Variants in PTK2 observed in about 807,000 individuals in gnomAD.
The protein encoded by PTK2 is protein tyrosine kinase 2, also known as focal adhesion kinase 1.
A neutral mutation model predicts 150.1 loss-of-function variants in PTK2; 45 were observed. The observed-to-expected ratio is 0.30, with a 90% CI of 0.24 to 0.38. PTK2 has a LOEUF of 0.38. Ranked by LOEUF, PTK2 falls within the 10% of genes least tolerant of loss-of-function variation. PTK2 has a pLI of 1.00. For synonymous variants in PTK2, 432 were observed against 449.2 expected, an observed-to-expected ratio of 0.96 and a Z score of 0.48; for missense variants, 919 against 1,307.3, an observed-to-expected ratio of 0.70 and a Z score of 4.58.
At chr8:140,951,205 T>C (rs1394836357) in intron 1 of PTK2, among the ~76,000 whole-genome samples, 1 of 152,176 alleles carries the variant, frequency 6.6e-6, no homozygotes, top group East Asian at 1.9e-4. Context: ...TTTCCTTTGC[T>C]TGCCTAGAGT....
At chr8:140,729,782 G>A (rs1034347515) in intron 22 of PTK2, among the ~76,000 whole-genome samples, 10 of 152,196 alleles carry the variant, frequency 6.6e-5, no homozygotes, top group Non-Finnish European at 1.0e-4. Context: ...GCAGTCAGTA[G>A]AGCATGACAG....
At position 140,735,211 on chromosome 8, in the gene PTK2, C is replaced by T. The variant is rs774671639; in HGVS notation, c.2030+40G>A. ...CTGCAAGGAGGAGAAGCAGCATAAT[C>T]TGCCCCCACCCCCAGGCCCTCTCTC... On this transcript the variant is annotated intron_variant, in intron 22 of 31. Transcript: ENST00000522684. The T allele has an allele frequency of 1.9e-6, 3 of 1,568,382 alleles. No individual in the cohort carries two copies. In the Admixed American group the frequency reaches 5.1e-5, roughly 27 times the overall value.
At chr8:140,846,365 A>C in intron 6 of PTK2, 43 bp from the exon 7 acceptor site, 1 of 1,576,624 alleles carries the variant, frequency 6.3e-7, no homozygotes, top group Non-Finnish European at 8.7e-7. Context: ...TATATAAGGA[A>C]TGTTTGTGTT....
At chr8:140,998,219 G>C (rs540640681) in intron 1 of PTK2, among the ~76,000 whole-genome samples, 1 of 152,118 alleles carries the variant, frequency 6.6e-6, no homozygotes, top group Admixed American at 6.5e-5. Flanking sequence ...ATCTACATCA[G>C]TTTAGAATGC....
At chr8:140,728,941 C>G (rs777157470) in intron 22 of PTK2, among the ~76,000 whole-genome samples, 1 of 152,134 alleles carries the variant, frequency 6.6e-6, no homozygotes, top group African/African-American at 2.4e-5. Context: ...AATTGATACA[C>G]GCACACATGT....
At position 140,800,387 on chromosome 8, in the gene PTK2, G is replaced by A. The variant is rs1355032769; in HGVS notation, c.1093+72C>T. On this transcript the variant is annotated intron_variant, in intron 12 of 31. Coordinates refer to ENST00000522684, the Ensembl canonical transcript of PTK2. Reference sequence around the variant, plus strand: ...TACAGTTACCTAAAAGAGGATAACAGGCTGTTAGGGGCAAGCACAGCTAAA... The same window carrying A: ...TACAGTTACCTAAAAGAGGATAACAAGCTGTTAGGGGCAAGCACAGCTAAA... 4.3e-6 allele frequency: 5 copies of A among 1,169,486 alleles called. No homozygotes were observed. The African/African-American group carries it at 7.6e-5, about 18-fold the overall frequency. The allele number at this position is 1,169,486 out of a possible 1,614,324, so 72.4% of individuals were successfully genotyped here.
intron 5 of PTK2, among the ~76,000 whole-genome samples, chr8:140,863,679 T>C (rs2100137594): frequency 2.0e-5 from 3 of 152,208 alleles, no homozygotes; most frequent in Admixed American, 2.0e-4. Flanking sequence ...GTCACGTCAT[T>C]TGTGCTTACT....
At position 140,886,135 on chromosome 8, in the gene PTK2, G is replaced by A. The variant is rs551607622; in HGVS notation, c.195+4408C>T. On this transcript the variant is annotated intron_variant, in intron 3 of 31. Coordinates refer to ENST00000522684, the Ensembl canonical transcript of PTK2. The stretch of plus-strand genomic sequence containing the variant: ...GTGGACAGGATTAGCTAATGTATTC[G>A]ATATGGCTTGAGAGCAAAAGAGGAA... Among the ~76,000 whole-genome samples the A allele has an allele frequency of 4.8e-4, 73 of 152,308 alleles. 1 individual carries two copies. Among genetic ancestry groups the A allele is most frequent in the African/African-American group, 1.5e-3 (64 of 41,566 alleles).
intron 1 of PTK2, among the ~76,000 whole-genome samples, chr8:140,982,365 G>A (rs1343085195): frequency 2.0e-5 from 3 of 152,226 alleles, no homozygotes; most frequent in Admixed American, 1.3e-4. Context: ...TTGGGAGGCT[G>A]AGGCGGGCAG....
intron 14 of PTK2, among the ~76,000 whole-genome samples, chr8:140,773,441 A>G (rs1301867871): frequency 6.6e-6 from 1 of 152,194 alleles, no homozygotes; most frequent in Non-Finnish European, 1.5e-5. Context: ...AGCAGAAGGA[A>G]TATTTTCAAG....
intron 22 of PTK2, among the ~76,000 whole-genome samples, chr8:140,726,381 T>A (rs979994482): frequency 3.3e-5 from 5 of 152,172 alleles, no homozygotes; most frequent in African/African-American, 1.2e-4. Flanking sequence ...CTAAATTTTA[T>A]AAAAGATATG....
At chr8:140,953,495 T>C (rs1186123030) in intron 1 of PTK2, among the ~76,000 whole-genome samples, 1 of 152,146 alleles carries the variant, frequency 6.6e-6, no homozygotes. Context: ...ATACACAGTG[T>C]GGTGGATATG....
At chr8:140,818,171 G>T in intron 10 of PTK2, 106 bp downstream of exon 10, 1 of 1,089,584 alleles carries the variant, frequency 9.2e-7, no homozygotes, top group Non-Finnish European at 1.4e-6. Context: ...CAGTGCAATA[G>T]GAAAATTTAA....
chr8:140,732,126 T>A (rs1357350029), intron 22 of PTK2, among the ~76,000 whole-genome samples: 1 of 152,174 alleles, frequency 6.6e-6, no homozygotes, highest in African/African-American at 2.4e-5. Context: ...ATAATAAAAA[T>A]TTTGAAAAAA....
At chr8:140,686,648 C>A in exon 27 of PTK2, 1 of 1,613,960 alleles carries the variant, frequency 6.2e-7, no homozygotes, top group Non-Finnish European at 8.5e-7. Context: ...CTGAAGACTT[C>A]CATCCTCCCT....
At chr8:140,908,107 T>C (rs1382967130) in intron 2 of PTK2, among the ~76,000 whole-genome samples, 2 of 152,082 alleles carry the variant, frequency 1.3e-5, no homozygotes, top group East Asian at 3.9e-4. Flanking sequence ...CTGAAGGAAA[T>C]ACAAATGCTA....
intron 27 of PTK2, among the ~76,000 whole-genome samples, chr8:140,678,164 A>C (rs1433057305): frequency 6.6e-6 from 1 of 152,190 alleles, no homozygotes; most frequent in Non-Finnish European, 1.5e-5. Context: ...CTCCTGCCTC[A>C]GCCTCCTGAG....
intron 10 of PTK2, among the ~76,000 whole-genome samples, chr8:140,806,200 C>T (rs2100098090): frequency 6.6e-6 from 1 of 152,206 alleles, no homozygotes; most frequent in Non-Finnish European, 1.5e-5. Flanking sequence ...AAAGTATGCT[C>T]TGCATTGAAC....
chr8:140,838,677 T>C (rs1216920574), intron 7 of PTK2, among the ~76,000 whole-genome samples: 1 of 152,052 alleles, frequency 6.6e-6, no homozygotes, highest in Non-Finnish European at 1.5e-5. Flanking sequence ...AAGAGACAGA[T>C]TTAAAAACAG....
Sources: gnomAD v4.1 joint callset for allele counts (sites outside exome capture counted in the v4.1 genomes callset) on GRCh38, gnomAD v4.1.1 for gene constraint, MANE v1.5 for transcripts, NCBI Gene and HGNC (gene_info 2026-07-23, HGNC 2026-07-21) for gene names.